LSAMP: variants seen among roughly 807,000 people sequenced by gnomAD.
LSAMP encodes limbic system-associated membrane protein.
Under a neutral mutation model 38.6 loss-of-function variants are expected in LSAMP, and 7 were observed. The observed-to-expected ratio is 0.18, with a 90% CI of 0.10 to 0.34. The LOEUF (loss-of-function observed/expected upper bound fraction) is 0.34, where lower values mean the gene tolerates loss of function less well. Among genes scored for constraint, LSAMP ranks in the 10% least tolerant of loss-of-function variants. The pLI, the probability that LSAMP is intolerant of heterozygous loss-of-function variation, is 1.00. For missense variants in LSAMP, 313 were observed against 420.0 expected, an observed-to-expected ratio of 0.75 and a Z score of 2.23; for synonymous variants, 154 against 166.8, an observed-to-expected ratio of 0.92 and a Z score of 0.59.
At chr3:116,316,502 G>A (rs941220563) in intron 1 of LSAMP, among the ~76,000 whole-genome samples, 2 of 152,224 alleles carry the variant, frequency 1.3e-5, no homozygotes, top group Non-Finnish European at 2.9e-5. Context: ...GCCGGGCGCC[G>A]TGGCTCACGC....
intron 3 of LSAMP, among the ~76,000 whole-genome samples, chr3:115,939,829 G>A (rs1292659146): frequency 6.6e-6 from 1 of 152,088 alleles, no homozygotes; most frequent in Non-Finnish European, 1.5e-5. Flanking sequence ...AAAGCACTGG[G>A]ATTACAGGCC....
At chr3:116,206,986 C>G (rs1452278405) in intron 1 of LSAMP, among the ~76,000 whole-genome samples, 16 of 150,256 alleles carry the variant, frequency 1.1e-4, no homozygotes, top group African/African-American at 3.7e-4. Flanking sequence ...GTTGATCTGT[C>G]TAATGTTGAC....
chr3:115,982,162 C>T (rs915905365), intron 3 of LSAMP, among the ~76,000 whole-genome samples: 1 of 152,198 alleles, frequency 6.6e-6, no homozygotes, highest in African/African-American at 2.4e-5. Flanking sequence ...AAAGTTGAGA[C>T]AGCCTAAGGC....
intron 6 of LSAMP, among the ~76,000 whole-genome samples, chr3:115,831,499 G>A (rs960056778): frequency 6.6e-6 from 1 of 152,176 alleles, no homozygotes; most frequent in Non-Finnish European, 1.5e-5. Flanking sequence ...GGTCCTCAAT[G>A]TGAGAATGTC....
chr3:115,908,750 C>T (rs1215348150), intron 3 of LSAMP, among the ~76,000 whole-genome samples: 1 of 152,146 alleles, frequency 6.6e-6, no homozygotes, highest in Non-Finnish European at 1.5e-5. Flanking sequence ...TCATCTTAGA[C>T]ATGGAATTTG....
intron 1 of LSAMP, among the ~76,000 whole-genome samples, chr3:116,087,690 T>G (rs900678260): frequency 3.3e-5 from 5 of 152,082 alleles, no homozygotes; most frequent in Non-Finnish European, 5.9e-5. Flanking sequence ...AAAATCCAGT[T>G]TTTATCTCAG....
chr3:116,000,052 AAGAG>A (rs1362953364), intron 3 of LSAMP, among the ~76,000 whole-genome samples: 1 of 152,158 alleles, frequency 6.6e-6, no homozygotes, highest in Non-Finnish European at 1.5e-5. Context: ...ACAAAGAAGA[AAGAG>A]AGATTAAACA....
chr3:116,045,475 AGAT>A (rs1444056411), intron 2 of LSAMP, among the ~76,000 whole-genome samples: 1 of 151,528 alleles, frequency 6.6e-6, no homozygotes, highest in African/African-American at 2.4e-5. Flanking sequence ...ACCTGGGAAA[AGAT>A]GATAAGAAAA....
chr3:116,071,590 T>C (rs1405414106), intron 2 of LSAMP, among the ~76,000 whole-genome samples: 1 of 152,182 alleles, frequency 6.6e-6, no homozygotes, highest in African/African-American at 2.4e-5. Flanking sequence ...ACTTCATTTT[T>C]TTCTTCAACT....
chr3:116,128,806 GAA>G (rs1174614161), intron 1 of LSAMP, among the ~76,000 whole-genome samples: 1 of 152,040 alleles, frequency 6.6e-6, no homozygotes, highest in Non-Finnish European at 1.5e-5. Flanking sequence ...ACACAATGCA[GAA>G]AAAGAGGGAA....
At chr3:115,817,848 C>T (rs1159203474) in intron 6 of LSAMP, among the ~76,000 whole-genome samples, 27 of 151,664 alleles carry the variant, frequency 1.8e-4, no homozygotes, top group Admixed American at 1.2e-3. Context: ...TAGCTGTTGA[C>T]GACTTTCTGT....
intron 1 of LSAMP, among the ~76,000 whole-genome samples, chr3:116,154,658 C>T (rs1465117416): frequency 6.6e-6 from 1 of 152,088 alleles, no homozygotes; most frequent in East Asian, 1.9e-4. Context: ...TTTTCAAGCA[C>T]ACCTTGCTCC....
chr3:115,811,640 T>C (rs1160087139), intron 6 of LSAMP, among the ~76,000 whole-genome samples: 1 of 152,040 alleles, frequency 6.6e-6, no homozygotes. Flanking sequence ...TGTGAATTTT[T>C]CCAAAACTGT....
At chr3:116,339,208 G>T (rs760341804) in intron 1 of LSAMP, among the ~76,000 whole-genome samples, 1 of 151,958 alleles carries the variant, frequency 6.6e-6, no homozygotes, top group East Asian at 1.9e-4. Context: ...AACTTGGTGC[G>T]TAGGTCAGGC....
At chr3:116,052,828 C>T (rs747113935) in intron 2 of LSAMP, among the ~76,000 whole-genome samples, 5 of 152,118 alleles carry the variant, frequency 3.3e-5, no homozygotes, top group South Asian at 2.1e-4. Context: ...CTTAGTTGGA[C>T]GGAATTTGAT....
intron 4 of LSAMP, among the ~76,000 whole-genome samples, chr3:115,846,686 T>C (rs989366021): frequency 2.0e-5 from 3 of 152,210 alleles, no homozygotes; most frequent in Non-Finnish European, 4.4e-5. Flanking sequence ...CTGAAACTCA[T>C]GCTCTGAACC....
rs117230967 is a variant in LSAMP at position 115,897,932 on chromosome 3, G to A, written c.515-45315C>T. On this transcript the variant is annotated intron_variant, in intron 3 of 6. Transcript: ENST00000490035. ...AAGCCATGTTGGCAGGCAAAATACC[G>A]CTTCATGTGGGAGCAGTTCGTGAGC... 4.0e-4 allele frequency among the ~76,000 whole-genome samples: 61 copies of A among 152,210 alleles called. No homozygotes were observed. In the East Asian group the frequency reaches 9.5e-3, roughly 24 times the overall value.
In LSAMP at chr3:115,842,652, G is replaced by A. The variant is rs577595464; in HGVS notation, c.650-74C>T. The A allele has an allele frequency of 5.1e-6, 8 of 1,576,504 alleles. No individual in the cohort carries two copies. In the Admixed American group the frequency reaches 1.4e-4, roughly 27 times the overall value. ...GAATTTCTATTCAGGAAGGAATGAA[G>A]AAGGACAATCTGATTAGAGAGAGGC... On this transcript the variant is annotated intron_variant, in intron 4 of 6. Coordinates refer to ENST00000490035, the MANE Select transcript of LSAMP (RefSeq NM_002338.5).
intron 3 of LSAMP, among the ~76,000 whole-genome samples, chr3:115,988,020 C>T (rs1055985707): frequency 3.9e-5 from 6 of 152,022 alleles, no homozygotes; most frequent in Non-Finnish European, 7.4e-5. Context: ...TCTAATCTTT[C>T]TCTGACTGGA....
Sources: allele counts gnomAD v4.1 joint callset (sites outside exome capture counted in the v4.1 genomes callset), GRCh38; gene constraint gnomAD v4.1.1; transcripts MANE v1.5; gene names NCBI Gene and HGNC (gene_info 2026-07-23, HGNC 2026-07-21).